The following HNRNPL variants were observed in gnomAD, a reference collection of about 807,000 sequenced individuals.
The protein encoded by HNRNPL is heterogeneous nuclear ribonucleoprotein L.
In HNRNPL, 12 loss-of-function variants were observed where a neutral mutation model predicts 64.0. That is an observed-to-expected ratio of 0.19 (90% CI 0.12 to 0.30). The LOEUF (loss-of-function observed/expected upper bound fraction) is 0.30. Ranked by LOEUF, HNRNPL falls within the 10% of genes least tolerant of loss-of-function variation. The pLI is 1.00. For missense variants in HNRNPL, 484 were observed against 797.4 expected (o/e 0.61, Z 4.73); for synonymous variants, 385 against 313.0 (o/e 1.23, Z -2.43).
chr19:38,848,914 C>T (rs1972397620), intron 1 of HNRNPL, among the ~76,000 whole-genome samples: 1 of 152,170 alleles, frequency 6.6e-6, no homozygotes, highest in Admixed American at 6.5e-5. Flanking sequence ...AATAGGCGGC[C>T]CTGTAAGACT....
Position 38,849,485 on chromosome 19 carries a change from TCC to T in HNRNPL, c.267+213_267+214del, listed in dbSNP as rs1361533523. 7.1e-6 allele frequency: 4 copies of T among 566,882 alleles called. No individual in the cohort carries two copies. In the African/African-American group the frequency reaches 7.9e-5, roughly 11 times the overall value. 35.1% of individuals were successfully genotyped at this position (566,882 alleles called of 1,614,324 possible). On this transcript the variant is annotated intron_variant, in intron 1 of 12. Transcript: ENST00000221419. ...GCCTCACGAGCTACTTCCTCTGCGC[TCC>T]CCCACACCCCGCTCCGGACCCCGCG...
At chr19:38,848,174 T>C (rs1056612798) in intron 1 of HNRNPL, among the ~76,000 whole-genome samples, 1 of 152,182 alleles carries the variant, frequency 6.6e-6, no homozygotes, top group African/African-American at 2.4e-5. Flanking sequence ...CACTGCAACC[T>C]CCGCCTCCCA....
intron 6 of HNRNPL, 74 bp downstream of exon 6, chr19:38,843,768 C>T: frequency 1.6e-6 from 2 of 1,265,046 alleles, no homozygotes; most frequent in Non-Finnish European, 2.3e-6. Context: ...AACCCTGAGC[C>T]CAGGCCTATT....
chr19:38,850,048 A>T, upstream of HNRNPL: 1 of 1,194,980 alleles, frequency 8.4e-7, no homozygotes, highest in Non-Finnish European at 1.1e-6. Flanking sequence ...CGATAGGGGG[A>T]GCCACTGGTC....
At chr19:38,841,219 G>A (rs1039553305) in intron 6 of HNRNPL, 7 of 271,040 alleles carry the variant, frequency 2.6e-5, no homozygotes, top group South Asian at 1.5e-4. Context: ...CCAGCAGTTC[G>A]TAATCACTGC....
At chr19:38,842,964 G>A (rs959285842) in intron 6 of HNRNPL, among the ~76,000 whole-genome samples, 2 of 152,212 alleles carry the variant, frequency 1.3e-5, no homozygotes, top group African/African-American at 4.8e-5. Flanking sequence ...TTTGGAGGGA[G>A]CAGCCAGGCC....
chr19:38,837,202 G>A, intron 12 of HNRNPL, 182 bp downstream of exon 12: 1 of 605,276 alleles, frequency 1.7e-6, no homozygotes, highest in Non-Finnish European at 3.0e-6. Flanking sequence ...CAGGCAGTCA[G>A]GCTGGCTCTC....
intron 4 of HNRNPL, 36 bp downstream of exon 4, chr19:38,845,614 T>C (rs757561634): frequency 3.2e-6 from 5 of 1,541,644 alleles, no homozygotes; most frequent in Admixed American, 3.3e-5. Context: ...CAAGAGTCCC[T>C]ACCCTAAGGA....
upstream of HNRNPL, among the ~76,000 whole-genome samples, chr19:38,851,640 T>A (rs150910329): frequency 0.01 from 1,527 of 152,326 alleles, 27 homozygotes; most frequent in African/African-American, 0.035. Flanking sequence ...GGCTCACACC[T>A]GTAATCCCAG....
chr19:38,852,154 C>G (rs1166915598), upstream of HNRNPL: 1 of 148,258 alleles, frequency 6.7e-6, no homozygotes, highest in Non-Finnish European at 1.5e-5. Flanking sequence ...GCCGCCGGCC[C>G]GGCCTGGTGA....
At chr19:38,847,786 G>C (rs1333705297) in intron 1 of HNRNPL, among the ~76,000 whole-genome samples, 1 of 152,194 alleles carries the variant, frequency 6.6e-6, no homozygotes, top group East Asian at 1.9e-4. Context: ...AGAGTAGCTG[G>C]AAAAGGAGAT....
At chr19:38,839,331 A>T (rs370185009) in intron 8 of HNRNPL, 1 of 327,068 alleles carries the variant, frequency 3.1e-6, no homozygotes. Flanking sequence ...GACGTGTGTG[A>T]TCTATGGATG....
chr19:38,849,374 G>C (rs1465419283), intron 1 of HNRNPL: 4 of 283,238 alleles, frequency 1.4e-5, no homozygotes, highest in Non-Finnish European at 2.6e-5. Flanking sequence ...AGCCAGCGAA[G>C]AAAATGATAA....
chr19:38,841,894 AGTGCGGTG>A (rs1023051505), intron 6 of HNRNPL: 14 of 364,936 alleles, frequency 3.8e-5, no homozygotes, highest in South Asian at 1.0e-4. Flanking sequence ...TATGTGCTGC[AGTGCGGTG>A]GTGCGGTGCT....
Position 38,838,385 on chromosome 19 carries a change from C to T in HNRNPL, c.1557+12G>A, listed in dbSNP as rs1199148487. 3 of 1,601,726 alleles carry T rather than the reference C, an allele frequency of 1.9e-6. No individual in the cohort carries two copies. Among genetic ancestry groups the T allele is most frequent in the East Asian group, 2.2e-5 (1 of 44,564 alleles). ...AAGGACCCGACTGCCTGCGCAGCTC[C>T]ACGGCACACACCTCAAAGAAGTTCT... On this transcript the variant is annotated intron_variant, in intron 10 of 12. Coordinates refer to ENST00000221419, the MANE Select transcript of HNRNPL (RefSeq NM_001533.3).
intron 10 of HNRNPL, 33 bp from the exon 11 acceptor site, chr19:38,837,684 GA>G (rs1971974605): frequency 6.3e-7 from 1 of 1,597,614 alleles, no homozygotes; most frequent in Non-Finnish European, 8.6e-7. Flanking sequence ...AATGAACTCT[GA>G]AACAAAAGGG....
chr19:38,836,598 T>TTA lies in HNRNPL; in HGVS notation c.*123_*124insTA, dbSNP rs1036731071. ...AGTAAGCCTCTACAAACCTAGCATT[T>TTA]AAAAAAAAAAAAAAAAAAAAAAAAA... On this transcript the variant is annotated 3_prime_UTR_variant, in exon 13 of 13. Coordinates refer to ENST00000221419, the MANE Select transcript of HNRNPL (RefSeq NM_001533.3). The TTA allele has an allele frequency of 2.2e-5, 3 of 136,624 alleles. No individual in the cohort carries two copies. The highest frequency in any genetic ancestry group is 1.2e-4 in the African/African-American group (2 of 17,016). The allele number at this position is 136,624 out of a possible 1,614,324, so 8.5% of individuals were successfully genotyped here.
Position 38,836,500 on chromosome 19 carries a change from G to A in HNRNPL, c.*222C>T. 2 of 396,858 alleles carry A rather than the reference G, an allele frequency of 5.0e-6. No homozygotes were observed. Among genetic ancestry groups the A allele is most frequent in the South Asian group, 6.1e-5 (1 of 16,328 alleles). The allele number at this position is 396,858 out of a possible 1,614,324, so 24.6% of individuals were successfully genotyped here. ...ACATGTACAATAATTTTTTAAAAGT[G>A]AAGGTTAATCTTGGGAGATAACAGT... On this transcript the variant is annotated 3_prime_UTR_variant, in exon 13 of 13. Coordinates refer to ENST00000221419, the MANE Select transcript of HNRNPL (RefSeq NM_001533.3).
intron 4 of HNRNPL, 34 bp from the exon 5 acceptor site, chr19:38,844,138 G>T: frequency 7.1e-7 from 1 of 1,410,492 alleles, no homozygotes; most frequent in Non-Finnish European, 1.0e-6. Flanking sequence ...CATCACAGGA[G>T]ATCTTTGAGA....
Sources: gnomAD v4.1 joint callset for allele counts (sites outside exome capture counted in the v4.1 genomes callset) on GRCh38, gnomAD v4.1.1 for gene constraint, MANE v1.5 for transcripts, NCBI Gene and HGNC (gene_info 2026-07-23, HGNC 2026-07-21) for gene names.